EDIL3: variants seen among roughly 807,000 people sequenced by gnomAD.
The protein encoded by EDIL3 is EGF-like repeat and discoidin I-like domain-containing protein 3.
EDIL3 carries 37 observed loss-of-function variants against 67.4 expected under a neutral mutation model. That is an observed-to-expected ratio of 0.55 (90% CI 0.42 to 0.72). The LOEUF is 0.72. Among genes scored for constraint, EDIL3 ranks in the 30% least tolerant of loss-of-function variants. The pLI is 0.00. For synonymous variants in EDIL3, 195 were observed against 196.3 expected (o/e 0.99, Z 0.05); for missense variants, 527 against 586.3 (o/e 0.90, Z 1.04).
At chr5:84,159,685 T>C (rs1293606372) in intron 4 of EDIL3, among the ~76,000 whole-genome samples, 1 of 151,964 alleles carries the variant, frequency 6.6e-6, no homozygotes, top group Non-Finnish European at 1.5e-5. Flanking sequence ...ATAGGAAACA[T>C]AAATTTTAAA....
chr5:84,002,988 C>T (rs1324006258), intron 9 of EDIL3, among the ~76,000 whole-genome samples: 4 of 152,216 alleles, frequency 2.6e-5, no homozygotes, highest in African/African-American at 7.2e-5. Flanking sequence ...TTGTGTCTCT[C>T]TGGGGTGGAG....
intron 1 of EDIL3, among the ~76,000 whole-genome samples, chr5:84,280,733 G>T (rs148987227): frequency 2.0e-5 from 3 of 152,040 alleles, no homozygotes; most frequent in South Asian, 4.2e-4. Context: ...CAGTAGGATG[G>T]CTTGAGCCCA....
At chr5:84,205,590 T>G (rs1045810650) in intron 3 of EDIL3, among the ~76,000 whole-genome samples, 10 of 152,098 alleles carry the variant, frequency 6.6e-5, no homozygotes, top group Admixed American at 6.6e-5. Flanking sequence ...CAATTTCAGA[T>G]CCTGTTATTG....
intron 6 of EDIL3, among the ~76,000 whole-genome samples, chr5:84,087,907 G>T (rs1191255120): frequency 6.6e-6 from 1 of 152,112 alleles, no homozygotes; most frequent in Non-Finnish European, 1.5e-5. Context: ...TAATTTAAAT[G>T]AAGTTGGGGG....
At chr5:84,020,177 A>G (rs1265168761) in intron 9 of EDIL3, among the ~76,000 whole-genome samples, 2 of 151,912 alleles carry the variant, frequency 1.3e-5, no homozygotes, top group African/African-American at 4.8e-5. Flanking sequence ...ACTGGGATAC[A>G]TATCGAAAAC....
chr5:84,336,630 A>T (rs1036356567), intron 1 of EDIL3, among the ~76,000 whole-genome samples: 3 of 152,144 alleles, frequency 2.0e-5, no homozygotes, highest in Non-Finnish European at 4.4e-5. Flanking sequence ...GAGGAGAAAG[A>T]GGTTGAAGAA....
chr5:84,116,281 A>C (rs1199610134), intron 5 of EDIL3, among the ~76,000 whole-genome samples: 1 of 152,016 alleles, frequency 6.6e-6, no homozygotes, highest in Non-Finnish European at 1.5e-5. Flanking sequence ...TAATACTAGC[A>C]CACTTCGAAA....
intron 5 of EDIL3, among the ~76,000 whole-genome samples, chr5:84,119,225 T>TTTG (rs1747729249): frequency 1.4e-5 from 2 of 147,346 alleles, no homozygotes; most frequent in South Asian, 4.3e-4. Flanking sequence ...TTTTTTTTTT[T>TTTG]TTTTTTTTTT....
intron 9 of EDIL3, among the ~76,000 whole-genome samples, chr5:83,989,664 G>T (rs1446566786): frequency 6.6e-6 from 1 of 152,172 alleles, no homozygotes; most frequent in Admixed American, 6.6e-5. Context: ...CAGAGATTGA[G>T]GTGGCTCCCA....
At chr5:84,107,564 T>C (rs1443946338) in intron 5 of EDIL3, among the ~76,000 whole-genome samples, 1 of 151,510 alleles carries the variant, frequency 6.6e-6, no homozygotes, top group Non-Finnish European at 1.5e-5. Context: ...CAATTCTACA[T>C]ATTGGGATTC....
At chr5:84,230,798 T>TGTGTGTGTGTGTGTGA (rs1491220256) in intron 2 of EDIL3, among the ~76,000 whole-genome samples, 43 of 150,598 alleles carry the variant, frequency 2.9e-4, no homozygotes, top group Non-Finnish European at 4.9e-4. Context: ...TGTGTGTGTG[T>TGTGTGTGTGTGTGTGA]GACATACACA....
At chr5:84,123,377 A>G (rs1351072005) in intron 5 of EDIL3, among the ~76,000 whole-genome samples, 1 of 152,010 alleles carries the variant, frequency 6.6e-6, no homozygotes, top group Non-Finnish European at 1.5e-5. Context: ...TGTTTCATGT[A>G]TGTACACAAC....
At chr5:84,021,280 T>A (rs1260770287) in intron 9 of EDIL3, among the ~76,000 whole-genome samples, 1 of 151,980 alleles carries the variant, frequency 6.6e-6, no homozygotes, top group East Asian at 1.9e-4. Context: ...TGTTATTTCT[T>A]GATTTTCTAG....
intron 1 of EDIL3, among the ~76,000 whole-genome samples, chr5:84,255,722 TG>T (rs1368920972): frequency 6.6e-6 from 1 of 152,198 alleles, no homozygotes; most frequent in African/African-American, 2.4e-5. Flanking sequence ...TTATGATTTC[TG>T]TCAAATATAA....
At chr5:84,360,274 T>C (rs1006123603) in intron 1 of EDIL3, among the ~76,000 whole-genome samples, 2 of 152,174 alleles carry the variant, frequency 1.3e-5, no homozygotes, top group African/African-American at 4.8e-5. Flanking sequence ...GAACAGGTAT[T>C]GCAGCGGTCA....
intron 1 of EDIL3, among the ~76,000 whole-genome samples, chr5:84,275,765 G>A (rs1745572859): frequency 6.6e-6 from 1 of 152,220 alleles, no homozygotes; most frequent in Non-Finnish European, 1.5e-5. Context: ...ATTGCAACAA[G>A]TAGGCAACCA....
chr5:84,233,485 C>A (rs367944890), intron 2 of EDIL3, among the ~76,000 whole-genome samples: 1 of 152,132 alleles, frequency 6.6e-6, no homozygotes, highest in Non-Finnish European at 1.5e-5. Flanking sequence ...ATTTATATTC[C>A]GGTTGTTTCA....
intron 4 of EDIL3, among the ~76,000 whole-genome samples, chr5:84,170,186 G>T (rs1372065994): frequency 6.6e-6 from 1 of 152,196 alleles, no homozygotes; most frequent in African/African-American, 2.4e-5. Context: ...CAGTAGAGAG[G>T]AGAATAAGAG....
intron 10 of EDIL3, among the ~76,000 whole-genome samples, chr5:83,952,469 A>C (rs1257638701): frequency 6.6e-6 from 1 of 151,874 alleles, no homozygotes; most frequent in Admixed American, 6.6e-5. Context: ...GACTGCCATA[A>C]GAAATATTCC....
Sources: gnomAD v4.1 joint callset for allele counts (sites outside exome capture counted in the v4.1 genomes callset) on GRCh38, gnomAD v4.1.1 for gene constraint, MANE v1.5 for transcripts, NCBI Gene and HGNC (gene_info 2026-07-23, HGNC 2026-07-21) for gene names.